IKZF1: variants seen among roughly 807,000 people sequenced by gnomAD.
The protein encoded by IKZF1 is IKAROS family zinc finger 1.
IKZF1 carries 10 observed loss-of-function variants against 51.7 expected under a neutral mutation model. The ratio of observed to expected loss-of-function variants is 0.19; its 90% CI spans 0.12 to 0.33. IKZF1 has a LOEUF of 0.33. Ranked by LOEUF, IKZF1 falls within the 10% of genes least tolerant of loss-of-function variation. IKZF1 has a pLI of 1.00. For synonymous variants in IKZF1, 280 were observed against 282.3 expected (o/e 0.99, Z 0.08); for missense variants, 484 against 707.5 (o/e 0.68, Z 3.58).
At chr7:50,318,970 G>A (rs894432148) in intron 1 of IKZF1, 78 bp from the exon 2 acceptor site, 2 of 863,076 alleles carry the variant, frequency 2.3e-6, no homozygotes, top group Non-Finnish European at 3.9e-6. Flanking sequence ...ATAGCATAGG[G>A]GTTCTTTATC....
intron 3 of IKZF1, among the ~76,000 whole-genome samples, chr7:50,347,402 G>C (rs1201566533): frequency 2.0e-5 from 3 of 152,196 alleles, no homozygotes; most frequent in African/African-American, 7.2e-5. Context: ...AGCACTCGCA[G>C]AAGGAGAAAC....
At chr7:50,344,951 T>C (rs553183262) in intron 3 of IKZF1, among the ~76,000 whole-genome samples, 2 of 151,300 alleles carry the variant, frequency 1.3e-5, no homozygotes, top group Non-Finnish European at 3.0e-5. Context: ...ATATATTAGG[T>C]TGGTGCAAAA....
intron 1 of IKZF1, among the ~76,000 whole-genome samples, chr7:50,313,953 G>A (rs1406480608): frequency 6.6e-6 from 1 of 152,104 alleles, no homozygotes; most frequent in Non-Finnish European, 1.5e-5. Context: ...CCTTTTCTTT[G>A]CAGCCTTTTC....
At chr7:50,352,514 C>T (rs537274330) in intron 3 of IKZF1, among the ~76,000 whole-genome samples, 1 of 152,316 alleles carries the variant, frequency 6.6e-6, no homozygotes, top group African/African-American at 2.4e-5. Flanking sequence ...CTTTCTTTCT[C>T]ATTCTTGACC....
rs1351654980 is a variant in IKZF1 at position 50,327,713 on chromosome 7, C to T, written c.116C>T (p.Thr39Ile). ...ATGCCGATCCCCGAGGACCTCTCCA[C>T]CACCTCGGGAGGACAGCAAAGCTCC... ...EPMPIPEDLS[T>I]TSGGQQSSKS... The change falls in exon 3 of 8, where the codon ACC becomes ATC. Residue 39 changes from threonine to isoleucine, a missense_variant. Transcript: ENST00000331340. 6.2e-7 allele frequency: 1 copy of T among 1,613,642 alleles called. No individual in the cohort carries two copies. The highest frequency in any genetic ancestry group is 1.1e-5 in the South Asian group (1 of 90,932).
intron 3 of IKZF1, among the ~76,000 whole-genome samples, chr7:50,354,973 T>C (rs1165184171): frequency 6.6e-6 from 1 of 152,098 alleles, no homozygotes; most frequent in Admixed American, 6.5e-5. Context: ...TGCGTGGCAA[T>C]GCCTTTTGTG....
Position 50,400,345 on chromosome 7 carries a change from G to A in IKZF1, c.1278G>A (p.Leu426=), listed in dbSNP as rs369906965. 5 of 1,612,836 alleles carry A rather than the reference G, an allele frequency of 3.1e-6. No individual in the cohort carries two copies. In the African/African-American group the frequency reaches 6.7e-5, roughly 22 times the overall value. Residue 426 remains leucine, a synonymous_variant, in exon 8 of 8, where the codon CTG becomes CTA. Coordinates refer to ENST00000331340, the MANE Select transcript of IKZF1 (RefSeq NM_006060.6). This position sits in a 1 kb window ranked among gnomAD's most constrained non-coding sequence, Gnocchi z 5.4. ...NHIAPHARNG[L]SLKEEHRAYD... is the part of the protein sequence containing the mutation. ...TCGCCCCGCACGCGCGCAACGGGCT[G>A]TCGCTCAAGGAGGAGCACCGCGCCT... is the stretch of plus-strand genomic sequence containing the variant.
At chr7:50,316,001 A>G (rs1791456109) in intron 1 of IKZF1, among the ~76,000 whole-genome samples, 1 of 152,182 alleles carries the variant, frequency 6.6e-6, no homozygotes, top group Non-Finnish European at 1.5e-5. Flanking sequence ...GTCTTGGAAG[A>G]GGCCACATTT....
At chr7:50,330,761 A>G (rs931174687) in intron 3 of IKZF1, among the ~76,000 whole-genome samples, 1 of 152,230 alleles carries the variant, frequency 6.6e-6, no homozygotes. Flanking sequence ...ATTTCATCAC[A>G]TTATTCCATG....
intron 3 of IKZF1, among the ~76,000 whole-genome samples, chr7:50,335,139 T>C (rs953002390): frequency 2.0e-5 from 3 of 150,490 alleles, no homozygotes; most frequent in Admixed American, 6.6e-5. Context: ...GTGGTATGTA[T>C]GTGTGATGTG....
intron 3 of IKZF1, among the ~76,000 whole-genome samples, chr7:50,347,117 C>T (rs1800572372): frequency 1.3e-5 from 2 of 152,102 alleles, no homozygotes; most frequent in Non-Finnish European, 2.9e-5. Flanking sequence ...TTCATTTCAG[C>T]CTGTTAAGAT....
At position 50,402,485 on chromosome 7, in the gene IKZF1, G is replaced by T. The variant is rs1360680813; in HGVS notation, c.*1858G>T. On this transcript the variant is annotated 3_prime_UTR_variant, in exon 8 of 8. Transcript: ENST00000331340. ...CATCACCAACTGTCCCCTGCGAGGA[G>T]AAATCACTCCTGGGGGAGAACCACT... The T allele has an allele frequency of 4.3e-6, 1 of 231,442 alleles. No individual in the cohort carries two copies. The highest frequency in any genetic ancestry group is 2.2e-5 in the African/African-American group (1 of 45,226). The allele number at this position is 231,442 out of a possible 1,614,324, so 14.3% of individuals were successfully genotyped here.
At chr7:50,343,291 C>T (rs1477118744) in intron 3 of IKZF1, among the ~76,000 whole-genome samples, 1 of 149,450 alleles carries the variant, frequency 6.7e-6, no homozygotes, top group African/African-American at 2.5e-5. Flanking sequence ...TTCTTTTCTC[C>T]ATCCCTTTCT....
intron 3 of IKZF1, among the ~76,000 whole-genome samples, chr7:50,357,801 G>A (rs1803922111): frequency 1.3e-5 from 2 of 152,212 alleles, no homozygotes; most frequent in African/African-American, 4.8e-5. Flanking sequence ...GACACACGGA[G>A]TGGGAGGGAG....
chr7:50,318,988 C>A, intron 1 of IKZF1, 60 bp from the exon 2 acceptor site: 1 of 1,073,610 alleles, frequency 9.3e-7, no homozygotes, highest in Non-Finnish European at 1.4e-6. Context: ...ATCTCTCTCT[C>A]TTTCTCATAT....
intron 2 of IKZF1, among the ~76,000 whole-genome samples, chr7:50,322,658 G>A (rs531863537): frequency 6.6e-6 from 1 of 152,160 alleles, no homozygotes; most frequent in African/African-American, 2.4e-5. Flanking sequence ...GTTTTTGGCA[G>A]TCTTTCCAAA....
At chr7:50,371,472 C>T (rs1808653328) in intron 3 of IKZF1, among the ~76,000 whole-genome samples, 1 of 152,194 alleles carries the variant, frequency 6.6e-6, no homozygotes, top group Non-Finnish European at 1.5e-5. Flanking sequence ...GGACAAAGGC[C>T]CTGAACTCCT....
chr7:50,385,908 G>T (rs920836264), intron 5 of IKZF1, among the ~76,000 whole-genome samples: 10 of 152,274 alleles, frequency 6.6e-5, no homozygotes, highest in African/African-American at 2.4e-4. Context: ...TTAAATGGTC[G>T]AGAAGTCAAA....
At chr7:50,382,945 A>G (rs1257198830) in intron 5 of IKZF1, among the ~76,000 whole-genome samples, 1 of 152,128 alleles carries the variant, frequency 6.6e-6, no homozygotes, top group African/African-American at 2.4e-5. Context: ...ATACACACAC[A>G]GAAGTCTCAC....
Sources: allele counts gnomAD v4.1 joint callset (sites outside exome capture counted in the v4.1 genomes callset), GRCh38; gene constraint gnomAD v4.1.1; non-coding constraint Gnocchi (gnomAD v3.1); transcripts MANE v1.5; gene names NCBI Gene and HGNC (gene_info 2026-07-23, HGNC 2026-07-21).